The following TXNDC12 variants were observed in gnomAD, a reference collection of about 807,000 sequenced individuals.
TXNDC12 encodes thioredoxin domain containing 12, also known as thioredoxin domain-containing protein 12.
Under a neutral mutation model 24.2 loss-of-function variants are expected in TXNDC12, and 22 were observed. The ratio of observed to expected loss-of-function variants is 0.91; its 90% CI spans 0.65 to 1.30. The LOEUF (loss-of-function observed/expected upper bound fraction) is 1.30, where lower values mean the gene tolerates loss of function less well. TXNDC12 is among the 50% of genes most tolerant of loss of function. The pLI is 0.00. For missense variants in TXNDC12, 184 were observed against 205.8 expected (o/e 0.89, Z 0.65); for synonymous variants, 58 against 73.4 (o/e 0.79, Z 1.07).
upstream of TXNDC12, chr1:52,055,374 C>T (rs1686321206): frequency 7.2e-6 from 3 of 418,818 alleles, no homozygotes; most frequent in Non-Finnish European, 1.3e-5. Flanking sequence ...GTCCAGGTCC[C>T]GGGACGGAGC....
At chr1:52,053,133 C>T (rs1217718982) in intron 1 of TXNDC12, among the ~76,000 whole-genome samples, 1 of 151,134 alleles carries the variant, frequency 6.6e-6, no homozygotes, top group African/African-American at 2.4e-5. Flanking sequence ...CATAGTGGCA[C>T]ATGCCTGTAG....
chr1:52,028,298 TC>T (rs1685703896), intron 3 of TXNDC12, among the ~76,000 whole-genome samples: 1 of 152,150 alleles, frequency 6.6e-6, no homozygotes, highest in Non-Finnish European at 1.5e-5. Context: ...CATGTCTCTG[TC>T]CGTACATTTC....
Position 52,023,493 on chromosome 1 carries a change from T to G in TXNDC12, c.437A>C (p.Gln146Pro). The change falls in exon 6 of 7, where the codon CAA (glutamine) becomes CCA (proline). Residue 146 changes from glutamine to proline, a missense_variant and splice_region_variant. Coordinates refer to ENST00000371626, the MANE Select transcript of TXNDC12 (RefSeq NM_015913.4). ...SYKYFYVSAE[Q>P]VVQGMKEAQE... is the part of the protein sequence containing the mutation. ...CCCTCCCTTCAGCATAACTATACCT[T>G]GCTCGGCACTGACATAAAAATACTT... 1 of 1,613,198 alleles carries G rather than the reference T, an allele frequency of 6.2e-7. No individual in the cohort carries two copies. Among genetic ancestry groups the G allele is most frequent in the Non-Finnish European group, 8.5e-7 (1 of 1,179,142 alleles).
chr1:52,037,820 G>A (rs768929330), intron 2 of TXNDC12, among the ~76,000 whole-genome samples: 9 of 151,984 alleles, frequency 5.9e-5, no homozygotes, highest in Non-Finnish European at 1.2e-4. Flanking sequence ...TCTGGTAATC[G>A]TCCCACCTCT....
chr1:52,050,163 T>C (rs1264370082), intron 1 of TXNDC12, among the ~76,000 whole-genome samples: 1 of 152,154 alleles, frequency 6.6e-6, no homozygotes, highest in Non-Finnish European at 1.5e-5. Flanking sequence ...CGAATGCAGC[T>C]TCACCAAAGC....
At chr1:52,055,316 G>A (rs1686319406), upstream of TXNDC12, 4 of 515,710 alleles carry the variant, frequency 7.8e-6, no homozygotes, top group South Asian at 4.1e-5. Context: ...ACGTAGAAGG[G>A]TACGAGAGCT....
intron 2 of TXNDC12, among the ~76,000 whole-genome samples, chr1:52,030,052 A>G (rs1038879946): frequency 5.3e-5 from 8 of 152,192 alleles, no homozygotes; most frequent in Admixed American, 3.9e-4. Context: ...GATGCTCAAT[A>G]GAGTAAATAT....
intron 2 of TXNDC12, among the ~76,000 whole-genome samples, chr1:52,030,004 T>C (rs932347018): frequency 6.6e-6 from 1 of 152,184 alleles, no homozygotes; most frequent in African/African-American, 2.4e-5. Flanking sequence ...CTAGGGTAGA[T>C]ACTATTAATG....
chr1:52,021,560 CAA>C (rs901244160), intron 6 of TXNDC12, among the ~76,000 whole-genome samples: 9 of 55,732 alleles, frequency 1.6e-4, no homozygotes, highest in Admixed American at 5.4e-4. Flanking sequence ...GTTCTCAGGC[CAA>C]AAAAAAAAAA....
intron 2 of TXNDC12, among the ~76,000 whole-genome samples, chr1:52,035,636 C>T (rs188781415): frequency 6.6e-5 from 10 of 152,186 alleles, no homozygotes; most frequent in East Asian, 1.9e-4. Flanking sequence ...TGCTTGAACC[C>T]GGGATGCGGA....
Position 52,020,321 on chromosome 1 carries a change from C to A in TXNDC12, c.*612G>T. 1 of 411,546 alleles carries A rather than the reference C, an allele frequency of 2.4e-6. No homozygotes were observed. Among genetic ancestry groups the A allele is most frequent in the South Asian group, 2.6e-5 (1 of 39,010 alleles). 25.5% of individuals were successfully genotyped at this position (411,546 alleles called of 1,614,324 possible). On this transcript the variant is annotated 3_prime_UTR_variant, in exon 7 of 7. Coordinates refer to ENST00000371626, the MANE Select transcript of TXNDC12 (RefSeq NM_015913.4). The stretch of plus-strand genomic sequence containing the variant: ...AGCCGAGTCCAAGCACACAGCCAGT[C>A]CTGCACACGCATGCGTGCAAACAGG...
chr1:52,040,578 T>G (rs779813050), intron 2 of TXNDC12, among the ~76,000 whole-genome samples: 12 of 152,248 alleles, frequency 7.9e-5, no homozygotes, highest in Non-Finnish European at 1.3e-4. Context: ...TACATATATT[T>G]TTACACTTGT....
At chr1:52,022,671 C>T (rs1240278041) in intron 6 of TXNDC12, among the ~76,000 whole-genome samples, 2 of 140,376 alleles carry the variant, frequency 1.4e-5, no homozygotes, top group Non-Finnish European at 3.0e-5. Flanking sequence ...CAGAGTCTCG[C>T]TCTGTCACCC....
chr1:52,054,772 C>A (rs1353078078), intron 1 of TXNDC12, among the ~76,000 whole-genome samples: 2 of 152,148 alleles, frequency 1.3e-5, no homozygotes, highest in Non-Finnish European at 2.9e-5. Flanking sequence ...TCCTTCCCCC[C>A]AATCCAATAA....
intron 6 of TXNDC12, among the ~76,000 whole-genome samples, chr1:52,022,599 T>C (rs996555719): frequency 5.3e-5 from 8 of 151,674 alleles, no homozygotes; most frequent in African/African-American, 1.9e-4. Flanking sequence ...GAAATTTTTA[T>C]CCTTCTAGGT....
At position 52,023,583 on chromosome 1, in the gene TXNDC12, G is replaced by C. The variant is rs778147810; in HGVS notation, c.356-9C>G. On this transcript the variant is annotated splice_polypyrimidine_tract_variant and intron_variant, in intron 5 of 6. Transcript: ENST00000371626. ...CACCTTGCCACTGGGATCTGTTATA[G>C]ACAAAATGACACAGAGTTTTGCAGT... The C allele has an allele frequency of 1.9e-6, 3 of 1,606,582 alleles. No individual in the cohort carries two copies. Among genetic ancestry groups the C allele is most frequent in the South Asian group, 2.2e-5 (2 of 90,956 alleles).
chr1:52,032,923 T>C, intron 2 of TXNDC12: 1 of 1,609,270 alleles, frequency 6.2e-7, no homozygotes, highest in Non-Finnish European at 8.5e-7. Flanking sequence ...GGCCAGTACT[T>C]GACTCGTGAC....
intron 2 of TXNDC12, among the ~76,000 whole-genome samples, chr1:52,037,091 A>G (rs969762900): frequency 6.6e-6 from 1 of 152,062 alleles, no homozygotes; most frequent in Non-Finnish European, 1.5e-5. Context: ...GTTCTCTTCC[A>G]TAGCTTTGAC....
chr1:52,033,377 T>TC lies in TXNDC12; in HGVS notation c.159-4748dup, dbSNP rs768103358. 5 of 1,613,436 alleles carry TC rather than the reference T, an allele frequency of 3.1e-6. No individual in the cohort carries two copies. The East Asian group carries it at 1.1e-4, about 36-fold the overall frequency. On this transcript the variant is annotated intron_variant, in intron 2 of 6. Coordinates refer to ENST00000371626, the MANE Select transcript of TXNDC12 (RefSeq NM_015913.4). ...CGTGGCCGCCAACTCACACTGACGT[T>TC]CCGGCCAGGGTTCTCGTTCGCGCCC...
Sources: gnomAD v4.1 joint callset for allele counts (sites outside exome capture counted in the v4.1 genomes callset) on GRCh38, gnomAD v4.1.1 for gene constraint, MANE v1.5 for transcripts, NCBI Gene and HGNC (gene_info 2026-07-23, HGNC 2026-07-21) for gene names.